Variants in GBE1 observed in about 807,000 individuals in gnomAD.
The protein encoded by GBE1 is 1,4-alpha-glucan branching enzyme 1.
GBE1 carries 70 observed loss-of-function variants against 88.8 expected under a neutral mutation model. The ratio of observed to expected loss-of-function variants is 0.79; its 90% CI spans 0.65 to 0.96. The LOEUF (loss-of-function observed/expected upper bound fraction) is 0.96, where lower values mean the gene tolerates loss of function less well. GBE1 is among the 40% of genes least tolerant of loss of function. The pLI is 0.00. For synonymous variants in GBE1, 284 were observed against 300.1 expected (o/e 0.95, Z 0.56); for missense variants, 872 against 871.0 (o/e 1.00, Z -0.01).
chr3:81,651,080 C>G (rs1338567978), intron 3 of GBE1, among the ~76,000 whole-genome samples: 2 of 152,202 alleles, frequency 1.3e-5, no homozygotes, highest in Non-Finnish European at 2.9e-5. Context: ...ATGTCCTCAT[C>G]ATTGAGGAGA....
At chr3:81,575,047 C>T (rs1377607530) in intron 12 of GBE1, among the ~76,000 whole-genome samples, 1 of 151,824 alleles carries the variant, frequency 6.6e-6, no homozygotes, top group Admixed American at 6.6e-5. Flanking sequence ...CACCTGTAGT[C>T]CCAGTTACTT....
chr3:81,557,341 G>T (rs561290321), intron 12 of GBE1, among the ~76,000 whole-genome samples: 1 of 152,152 alleles, frequency 6.6e-6, no homozygotes, highest in South Asian at 2.1e-4. Context: ...AGGTCACGAA[G>T]AATAAGGATA....
chr3:81,683,570 T>A (rs1705389780), intron 2 of GBE1, among the ~76,000 whole-genome samples: 1 of 152,202 alleles, frequency 6.6e-6, no homozygotes, highest in Non-Finnish European at 1.5e-5. Context: ...AAAATAGGTA[T>A]CCTCTTCTCA....
At chr3:81,751,302 A>G (rs1234376589) in intron 1 of GBE1, among the ~76,000 whole-genome samples, 1 of 152,230 alleles carries the variant, frequency 6.6e-6, no homozygotes, top group Non-Finnish European at 1.5e-5. Flanking sequence ...TGGGCTTTTC[A>G]TCTTCTGCCA....
At chr3:81,698,055 T>C (rs1017815398) in intron 2 of GBE1, among the ~76,000 whole-genome samples, 1 of 147,196 alleles carries the variant, frequency 6.8e-6, no homozygotes, top group Non-Finnish European at 1.5e-5. Context: ...TAGTTTTATA[T>C]ATATATATGT....
intron 15 of GBE1, among the ~76,000 whole-genome samples, chr3:81,490,898 T>C: frequency 6.6e-6 from 1 of 151,932 alleles, no homozygotes. Flanking sequence ...GAACAAAAAC[T>C]GAAATGTAAT....
intron 2 of GBE1, among the ~76,000 whole-genome samples, chr3:81,702,010 C>A (rs527761468): frequency 6.7e-6 from 1 of 149,248 alleles, no homozygotes; most frequent in East Asian, 2.0e-4. Context: ...AAAAATCTTT[C>A]TTTTTGCTCA....
chr3:81,492,194 T>C (rs2131369), intron 15 of GBE1, among the ~76,000 whole-genome samples: 56,385 of 152,088 alleles, frequency 0.37, 11,615 homozygotes, highest in South Asian at 0.55. Context: ...AAACCATGTA[T>C]TTCAGTGCTA....
intron 12 of GBE1, among the ~76,000 whole-genome samples, chr3:81,565,698 G>C (rs139331127): frequency 6.6e-6 from 1 of 152,248 alleles, no homozygotes; most frequent in East Asian, 1.9e-4. Context: ...TTGCCAGTTT[G>C]TAATTATGCC....
intron 7 of GBE1, among the ~76,000 whole-genome samples, chr3:81,631,234 T>C (rs897654832): frequency 5.3e-5 from 8 of 152,012 alleles, no homozygotes; most frequent in African/African-American, 1.9e-4. Context: ...TATTCCCTGA[T>C]ATAAAATGCA....
chr3:81,491,550 T>C (rs1272152977), intron 15 of GBE1, among the ~76,000 whole-genome samples: 2 of 152,234 alleles, frequency 1.3e-5, no homozygotes, highest in Non-Finnish European at 2.9e-5. Flanking sequence ...TTTGAACTGC[T>C]TAATGCTTAT....
chr3:81,671,573 C>T (rs1311483183), intron 2 of GBE1, among the ~76,000 whole-genome samples: 2 of 152,064 alleles, frequency 1.3e-5, no homozygotes, highest in Non-Finnish European at 2.9e-5. Context: ...GTAAAGGACA[C>T]ACTATTTAAT....
intron 7 of GBE1, among the ~76,000 whole-genome samples, chr3:81,634,760 T>A (rs555311679): frequency 6.6e-6 from 1 of 152,258 alleles, no homozygotes; most frequent in South Asian, 2.1e-4. Context: ...CACTAAAATT[T>A]AAAAATAAAC....
rs187749049 is a variant in GBE1 at position 81,586,658 on chromosome 3, A to G, written c.1237-468T>C. On this transcript the variant is annotated intron_variant, in intron 9 of 15. Coordinates refer to ENST00000429644, the MANE Select transcript of GBE1 (RefSeq NM_000158.4). ...ATGTAGAGTTAGTACATTAACAGTG[A>G]AACAGTACAATAGCTTTTACTAGAG... Among the ~76,000 whole-genome samples the G allele has an allele frequency of 1.1e-4, 16 of 152,304 alleles. No individual in the cohort carries two copies. In the East Asian group the frequency reaches 3.1e-3, roughly 29 times the overall value.
chr3:81,646,124 G>A (rs1304610930), intron 6 of GBE1, among the ~76,000 whole-genome samples: 3 of 152,128 alleles, frequency 2.0e-5, no homozygotes, highest in South Asian at 2.1e-4. Flanking sequence ...TGACTAAAAC[G>A]TGGGCTCCAA....
At chr3:81,625,106 AG>A (rs1184147041) in intron 7 of GBE1, among the ~76,000 whole-genome samples, 1 of 27,758 alleles carries the variant, frequency 3.6e-5, no homozygotes, top group Non-Finnish European at 7.2e-5. Context: ...GGGGAGGGGG[AG>A]GGGGAGGGAG....
intron 7 of GBE1, among the ~76,000 whole-genome samples, chr3:81,594,510 T>A (rs1000444675): frequency 4.6e-5 from 7 of 152,108 alleles, no homozygotes; most frequent in African/African-American, 1.2e-4. Context: ...TTTCAATGAC[T>A]TTTTGTTTAA....
At chr3:81,620,566 AACG>A (rs1160153046) in intron 7 of GBE1, among the ~76,000 whole-genome samples, 26 of 152,332 alleles carry the variant, frequency 1.7e-4, no homozygotes, top group African/African-American at 6.0e-4. Flanking sequence ...TCTAATAGTT[AACG>A]AGCATTTATT....
intron 3 of GBE1, among the ~76,000 whole-genome samples, chr3:81,660,609 T>G (rs1705012409): frequency 6.6e-6 from 1 of 152,106 alleles, no homozygotes; most frequent in South Asian, 2.1e-4. Context: ...AAAAATTATA[T>G]GTTCATGAGA....
Sources: gnomAD v4.1 joint callset for allele counts (sites outside exome capture counted in the v4.1 genomes callset) on GRCh38, gnomAD v4.1.1 for gene constraint, MANE v1.5 for transcripts, NCBI Gene and HGNC (gene_info 2026-07-23, HGNC 2026-07-21) for gene names.